The following ACYP2 variants were observed in gnomAD, a reference collection of about 807,000 sequenced individuals.
ACYP2 encodes acylphosphatase-2.
Under a neutral mutation model 11.2 loss-of-function variants are expected in ACYP2, and 12 were observed. The observed-to-expected ratio is 1.08, with a 90% CI of 0.69 to 1.74. ACYP2 has a LOEUF of 1.74. ACYP2 is among the 40% of genes most tolerant of loss of function. The pLI, the probability that ACYP2 is intolerant of heterozygous loss-of-function variation, is 0.00. For synonymous variants in ACYP2, 43 were observed against 32.2 expected, an observed-to-expected ratio of 1.33 and a Z score of -1.13; for missense variants, 134 against 101.9, an observed-to-expected ratio of 1.31 and a Z score of -1.35.
At chr2:54,132,371 T>C (rs1049596547) in intron 4 of ACYP2, among the ~76,000 whole-genome samples, 3 of 152,164 alleles carry the variant, frequency 2.0e-5, no homozygotes, top group Admixed American at 1.3e-4. Flanking sequence ...CACTCATCAT[T>C]CCTCCACATT....
intron 1 of ACYP2, among the ~76,000 whole-genome samples, chr2:53,972,012 T>A (rs1286230659): frequency 6.6e-6 from 1 of 152,370 alleles, no homozygotes; most frequent in South Asian, 2.1e-4. Flanking sequence ...TTACATTTTT[T>A]AAGAATTACT....
intron 6 of ACYP2, among the ~76,000 whole-genome samples, chr2:54,191,487 C>G (rs139238886): frequency 2.0e-5 from 3 of 152,308 alleles, no homozygotes; most frequent in African/African-American, 7.2e-5. Flanking sequence ...CTGGGGTTCA[C>G]TTTTCAGCTC....
At chr2:54,201,397 G>T (rs994449784) in intron 6 of ACYP2, among the ~76,000 whole-genome samples, 3 of 152,074 alleles carry the variant, frequency 2.0e-5, no homozygotes, top group African/African-American at 4.8e-5. Context: ...GAGCCACCAC[G>T]CCTGGCTGGT....
intron 4 of ACYP2, among the ~76,000 whole-genome samples, chr2:54,107,848 A>T (rs1444141220): frequency 6.6e-6 from 1 of 152,204 alleles, no homozygotes; most frequent in African/African-American, 2.4e-5. Context: ...TTTACTGCAG[A>T]ACTGGGCCAT....
At chr2:54,290,015 T>G (rs1250148949) in intron 6 of ACYP2, among the ~76,000 whole-genome samples, 1 of 152,046 alleles carries the variant, frequency 6.6e-6, no homozygotes, top group Non-Finnish European at 1.5e-5. Flanking sequence ...TTCTAGCGGT[T>G]CTTGTGTCGT....
chr2:54,109,738 AATT>A (rs1679357708), intron 4 of ACYP2, among the ~76,000 whole-genome samples: 1 of 152,154 alleles, frequency 6.6e-6, no homozygotes. Context: ...TGATTAAAAA[AATT>A]ATTGTGAATA....
At chr2:54,229,537 A>G (rs143008280) in intron 6 of ACYP2, among the ~76,000 whole-genome samples, 3 of 152,350 alleles carry the variant, frequency 2.0e-5, no homozygotes, top group African/African-American at 7.2e-5. Context: ...TAACAGACAG[A>G]GTAAACATTC....
chr2:53,999,516 C>T (rs962037515), intron 2 of ACYP2, among the ~76,000 whole-genome samples: 3 of 152,240 alleles, frequency 2.0e-5, no homozygotes, highest in Non-Finnish European at 4.4e-5. Flanking sequence ...TTGGATGGTG[C>T]TGGAATGTTC....
intron 6 of ACYP2, among the ~76,000 whole-genome samples, chr2:54,208,258 CT>C (rs1366313481): frequency 6.6e-6 from 1 of 151,980 alleles, no homozygotes; most frequent in Admixed American, 6.6e-5. Flanking sequence ...TTTCCCTCCC[CT>C]CTTCTTCCCT....
intron 6 of ACYP2, among the ~76,000 whole-genome samples, chr2:54,245,707 CAG>C (rs1034004740): frequency 3.6e-5 from 5 of 140,606 alleles, no homozygotes; most frequent in African/African-American, 1.3e-4. Context: ...ATTTTTTAAT[CAG>C]ATTTTTTTTT....
At chr2:54,189,399 G>A (rs985861651) in intron 6 of ACYP2, among the ~76,000 whole-genome samples, 5 of 152,050 alleles carry the variant, frequency 3.3e-5, no homozygotes, top group Non-Finnish European at 5.9e-5. Context: ...ATTTCACATA[G>A]TAAGTGATAT....
At chr2:54,093,939 C>T (rs936339708) in intron 4 of ACYP2, among the ~76,000 whole-genome samples, 10 of 121,624 alleles carry the variant, frequency 8.2e-5, no homozygotes, top group African/African-American at 2.9e-4. Flanking sequence ...GACTCTGTCT[C>T]AAAAAACAAA....
At chr2:54,253,705 A>G (rs916213248) in intron 6 of ACYP2, 4 of 152,270 alleles carry the variant, frequency 2.6e-5, no homozygotes, top group Non-Finnish European at 5.9e-5. Flanking sequence ...CACCCATCAC[A>G]ATCTCTTTAG....
intron 4 of ACYP2, among the ~76,000 whole-genome samples, chr2:54,080,688 C>T (rs1677599434): frequency 6.6e-6 from 1 of 152,094 alleles, no homozygotes; most frequent in South Asian, 2.1e-4. Context: ...GGAGTTTCAC[C>T]ATGTTGACCA....
chr2:54,292,669 TACACACACACACAC>T lies in ACYP2; in HGVS notation c.405-11992_405-11979del, dbSNP rs3071218. Among the ~76,000 whole-genome samples the T allele has an allele frequency of 5.9e-3, 880 of 149,070 alleles. 7 individuals are homozygous for T. The highest frequency in any genetic ancestry group is 0.016 in the African/African-American group (630 of 40,496). Reference sequence around the variant, plus strand: ...TTCTGATTGTGTGTGTATATATGTATACACACACACACACACACACACACACACACACACACACA... The same window carrying T: ...TTCTGATTGTGTGTGTATATATGTATACACACACACACACACACACACACA... On this transcript the variant is annotated intron_variant, in intron 6 of 6. Transcript: ENST00000607452.
chr2:54,251,728 T>G (rs1214927796), intron 6 of ACYP2, among the ~76,000 whole-genome samples: 1 of 152,220 alleles, frequency 6.6e-6, no homozygotes, highest in Non-Finnish European at 1.5e-5. Context: ...AGGGCAGGTG[T>G]GCTTATAGTC....
chr2:54,282,534 C>T (rs958602994), intron 6 of ACYP2, among the ~76,000 whole-genome samples: 1 of 152,192 alleles, frequency 6.6e-6, no homozygotes, highest in South Asian at 2.1e-4. Flanking sequence ...TTTTCTCCAT[C>T]TATTCCTATG....
chr2:53,984,795 C>T (rs947692079), intron 2 of ACYP2, among the ~76,000 whole-genome samples: 2 of 151,672 alleles, frequency 1.3e-5, no homozygotes, highest in African/African-American at 4.8e-5. Flanking sequence ...AAACAAAACC[C>T]AACATCTTAA....
In ACYP2 at chr2:54,200,732, T is replaced by C. The variant is rs112103457; in HGVS notation, c.404+61984T>C. Among the ~76,000 whole-genome samples the C allele has an allele frequency of 4.0e-3, 614 of 152,332 alleles. 6 individuals carry two copies. The highest frequency in any genetic ancestry group is 0.014 in the African/African-American group (586 of 41,580). On this transcript the variant is annotated intron_variant, in intron 6 of 6. Transcript: ENST00000607452. ...CTATGAACATTCATGAACATACTTT[T>C]GTGTGTACATATGTTATTTGTTCTC...
Sources: gnomAD v4.1 joint callset for allele counts (sites outside exome capture counted in the v4.1 genomes callset) on GRCh38, gnomAD v4.1.1 for gene constraint, MANE v1.5 for transcripts, NCBI Gene and HGNC (gene_info 2026-07-23, HGNC 2026-07-21) for gene names.